The following ERBB4 variants were observed in gnomAD, a reference collection of about 807,000 sequenced individuals.
The protein encoded by ERBB4 is erb-b2 receptor tyrosine kinase 4, also known as receptor tyrosine-protein kinase erbB-4.
ERBB4 carries 42 observed loss-of-function variants against 158.0 expected under a neutral mutation model. The observed-to-expected ratio is 0.27, with a 90% CI of 0.21 to 0.34. The LOEUF (loss-of-function observed/expected upper bound fraction) is 0.34, where lower values mean the gene tolerates loss of function less well. ERBB4 is among the 10% of genes least tolerant of loss of function. ERBB4 has a pLI of 1.00. For synonymous variants in ERBB4, 583 were observed against 558.7 expected (o/e 1.04, Z -0.61); for missense variants, 1,333 against 1,624.1 (o/e 0.82, Z 3.08).
At position 211,487,794 on chromosome 2, in the gene ERBB4, G is replaced by A. The variant is rs182205159; in HGVS notation, c.2488-56694C>T. Among the ~76,000 whole-genome samples the A allele has an allele frequency of 9.9e-5, 15 of 152,194 alleles. No homozygotes were observed. In the East Asian group the frequency reaches 2.5e-3, roughly 25 times the overall value. ...AATTTCACTGACAGTAAAGGGCTGC[G>A]GGGGTTATGGAAAAGGAGAGGAGCT... On this transcript the variant is annotated intron_variant, in intron 20 of 27. Transcript: ENST00000342788.
At chr2:211,455,978 A>C (rs1244313767) in intron 20 of ERBB4, among the ~76,000 whole-genome samples, 1 of 152,214 alleles carries the variant, frequency 6.6e-6, no homozygotes, top group Non-Finnish European at 1.5e-5. Context: ...TCAGGCATTA[A>C]GTATGTGATA....
intron 20 of ERBB4, among the ~76,000 whole-genome samples, chr2:211,460,739 A>T (rs939286818): frequency 6.6e-6 from 1 of 152,120 alleles, no homozygotes. Flanking sequence ...CTGCTGTTTT[A>T]AAAACATTTT....
At chr2:212,049,346 ATTT>A (rs200932954) in intron 2 of ERBB4, among the ~76,000 whole-genome samples, 4 of 151,820 alleles carry the variant, frequency 2.6e-5, no homozygotes, top group Non-Finnish European at 5.9e-5. Context: ...AGGACTTTTC[ATTT>A]TTTTTAAATT....
At position 211,992,569 on chromosome 2, in the gene ERBB4, A is replaced by AG. The variant is rs1421252908; in HGVS notation, c.235-44954_235-44953insC. 3.8e-3 allele frequency among the ~76,000 whole-genome samples: 434 copies of AG among 113,080 alleles called. 3 individuals carry two copies. The highest frequency in any genetic ancestry group is 0.011 in the African/African-American group (385 of 36,272). The allele number at this position is 113,080 out of a possible 152,430, so 74.2% of individuals were successfully genotyped here. ...TGAGAGAGAGAGAGAGAGAGAGAGA[A>AG]AAAAAAAAAAAACATGAGTTTGTCA... On this transcript the variant is annotated intron_variant, in intron 2 of 27. Transcript: ENST00000342788.
chr2:212,010,860 G>T (rs896463685), intron 2 of ERBB4, among the ~76,000 whole-genome samples: 1 of 151,998 alleles, frequency 6.6e-6, no homozygotes, highest in Non-Finnish European at 1.5e-5. Context: ...CTTTCTCAGG[G>T]TATTAATATT....
At chr2:212,093,358 T>G (rs2125498042) in intron 2 of ERBB4, among the ~76,000 whole-genome samples, 1 of 152,310 alleles carries the variant, frequency 6.6e-6, no homozygotes, top group South Asian at 2.1e-4. Flanking sequence ...AATTAGAGAA[T>G]TATTTTTCTC....
chr2:211,688,465 A>AT (rs564900449), intron 12 of ERBB4, among the ~76,000 whole-genome samples: 2 of 152,010 alleles, frequency 1.3e-5, no homozygotes, highest in African/African-American at 2.4e-5. Flanking sequence ...GGCTCACCTC[A>AT]TTTATTTTCT....
chr2:211,767,463 T>TA (rs2075579338), intron 4 of ERBB4, among the ~76,000 whole-genome samples: 1 of 152,196 alleles, frequency 6.6e-6, no homozygotes, highest in Non-Finnish European at 1.5e-5. Context: ...TTTTATTTAG[T>TA]AAAAATGATG....
At chr2:212,435,045 C>A (rs562732547) in intron 1 of ERBB4, among the ~76,000 whole-genome samples, 96 of 152,060 alleles carry the variant, frequency 6.3e-4, no homozygotes, top group Non-Finnish European at 1.2e-3. Flanking sequence ...TTTAGGCATT[C>A]ATTCATATTT....
chr2:212,243,462 A>G (rs1280188013), intron 1 of ERBB4, among the ~76,000 whole-genome samples: 2 of 152,214 alleles, frequency 1.3e-5, no homozygotes, highest in African/African-American at 4.8e-5. Context: ...AAAGCCTATC[A>G]TATCTGTAAA....
chr2:211,627,081 T>C (rs2069888479), intron 17 of ERBB4, among the ~76,000 whole-genome samples: 1 of 152,208 alleles, frequency 6.6e-6, no homozygotes, highest in African/African-American at 2.4e-5. Context: ...GCAATGAGCC[T>C]TCCCTGTGTG....
chr2:212,520,102 ATAATT>A (rs1429303405), intron 1 of ERBB4, among the ~76,000 whole-genome samples: 1 of 152,004 alleles, frequency 6.6e-6, no homozygotes, highest in Non-Finnish European at 1.5e-5. Flanking sequence ...TTGGAAAAAT[ATAATT>A]TAAACATATT....
At chr2:212,469,379 C>G (rs531488100) in intron 1 of ERBB4, among the ~76,000 whole-genome samples, 1 of 152,220 alleles carries the variant, frequency 6.6e-6, no homozygotes, top group East Asian at 1.9e-4. Context: ...CTACTTAGGA[C>G]AAATTTAAAT....
At chr2:211,454,842 C>T (rs531887225) in intron 20 of ERBB4, among the ~76,000 whole-genome samples, 5 of 152,316 alleles carry the variant, frequency 3.3e-5, no homozygotes, top group Non-Finnish European at 7.4e-5. Context: ...CTGTGGCCAA[C>T]TCTCATTTGG....
chr2:212,528,981 T>C (rs959231617), intron 1 of ERBB4, among the ~76,000 whole-genome samples: 9 of 152,190 alleles, frequency 5.9e-5, no homozygotes, highest in Non-Finnish European at 1.2e-4. Context: ...TGCCAGATTC[T>C]ATCTGGAACC....
chr2:212,373,902 TC>T (rs2090197488), intron 1 of ERBB4, among the ~76,000 whole-genome samples: 1 of 120,664 alleles, frequency 8.3e-6, no homozygotes, highest in African/African-American at 3.2e-5. Flanking sequence ...TATATATATA[TC>T]CATGTATATA....
At chr2:211,657,697 G>A in intron 16 of ERBB4, 57 bp downstream of exon 16, 1 of 1,318,516 alleles carries the variant, frequency 7.6e-7, no homozygotes, top group Middle Eastern at 1.8e-4. Context: ...AGTACTTTTT[G>A]TTCATGATAA....
chr2:212,443,202 T>G (rs1419012623), intron 1 of ERBB4, among the ~76,000 whole-genome samples: 1 of 152,240 alleles, frequency 6.6e-6, no homozygotes, highest in Non-Finnish European at 1.5e-5. Flanking sequence ...TTCTCCCGCT[T>G]TGTGTCATAA....
At chr2:212,158,712 C>A (rs541033331) in intron 1 of ERBB4, among the ~76,000 whole-genome samples, 1 of 151,836 alleles carries the variant, frequency 6.6e-6, no homozygotes, top group African/African-American at 2.4e-5. Context: ...GTGTCCACCA[C>A]GAGCTAGCCC....
Sources: allele counts gnomAD v4.1 joint callset (sites outside exome capture counted in the v4.1 genomes callset), GRCh38; gene constraint gnomAD v4.1.1; transcripts MANE v1.5; gene names NCBI Gene and HGNC (gene_info 2026-07-23, HGNC 2026-07-21).